TANC1: variants seen among roughly 807,000 people sequenced by gnomAD.
TANC1 encodes protein TANC1.
Under a neutral mutation model 149.7 loss-of-function variants are expected in TANC1, and 77 were observed. The observed-to-expected ratio is 0.51, with a 90% CI of 0.43 to 0.62. The LOEUF (loss-of-function observed/expected upper bound fraction) is 0.62, where lower values mean the gene tolerates loss of function less well. Among genes scored for constraint, TANC1 ranks in the 20% least tolerant of loss-of-function variants. The pLI is 0.00. For missense variants in TANC1, 1,985 were observed against 2,321.8 expected (o/e 0.85, Z 2.98); for synonymous variants, 854 against 925.0 (o/e 0.92, Z 1.39).
chr2:159,194,197 T>A (rs2057682176), intron 16 of TANC1, 60 bp from the exon 17 acceptor site: 1 of 1,414,820 alleles, frequency 7.1e-7, no homozygotes, highest in African/African-American at 1.4e-5. Flanking sequence ...TACTGCCCAT[T>A]TCCAGAAATG....
At chr2:159,138,175 C>T (rs2050962599) in intron 5 of TANC1, among the ~76,000 whole-genome samples, 1 of 152,186 alleles carries the variant, frequency 6.6e-6, no homozygotes, top group Non-Finnish European at 1.5e-5. Context: ...TTCATGGGGA[C>T]CAAAGTTATG....
intron 19 of TANC1, among the ~76,000 whole-genome samples, chr2:159,200,084 C>A (rs926690089): frequency 1.3e-5 from 2 of 152,200 alleles, no homozygotes; most frequent in Non-Finnish European, 2.9e-5. Flanking sequence ...TTGCCTAATT[C>A]TTTATGGAGT....
intron 1 of TANC1, among the ~76,000 whole-genome samples, chr2:158,994,192 A>G (rs1417768932): frequency 6.6e-6 from 1 of 152,184 alleles, no homozygotes; most frequent in Non-Finnish European, 1.5e-5. Context: ...AGAAGCAAGA[A>G]TCTCTTTTTG....
intron 15 of TANC1, 35 bp from the exon 16 acceptor site, chr2:159,186,866 CT>C: frequency 6.2e-7 from 1 of 1,613,782 alleles, no homozygotes; most frequent in Non-Finnish European, 8.5e-7. Context: ...AGATCTGTCT[CT>C]GATTGTTTCC....
intron 4 of TANC1, among the ~76,000 whole-genome samples, chr2:159,102,216 T>C (rs946754694): frequency 6.6e-5 from 10 of 152,136 alleles, no homozygotes; most frequent in African/African-American, 2.2e-4. Flanking sequence ...TTGAAAAAAA[T>C]CTGCTCCACC....
chr2:158,980,551 C>G (rs1188805399), intron 1 of TANC1, among the ~76,000 whole-genome samples: 3 of 151,928 alleles, frequency 2.0e-5, no homozygotes, highest in Non-Finnish European at 4.4e-5. Context: ...CCGAAGTGGG[C>G]AGATCACGAG....
chr2:159,141,713 C>G (rs1408503080), intron 5 of TANC1, among the ~76,000 whole-genome samples: 1 of 152,138 alleles, frequency 6.6e-6, no homozygotes, highest in Non-Finnish European at 1.5e-5. Context: ...TGCTGTGAGA[C>G]TAGGCAAGTT....
intron 2 of TANC1, among the ~76,000 whole-genome samples, chr2:159,032,269 T>A (rs2039844139): frequency 6.6e-6 from 1 of 152,222 alleles, no homozygotes; most frequent in Non-Finnish European, 1.5e-5. Context: ...AGAATGGCAG[T>A]GCTTTTGAGA....
At chr2:159,125,255 G>T (rs958099065) in intron 4 of TANC1, among the ~76,000 whole-genome samples, 1 of 152,186 alleles carries the variant, frequency 6.6e-6, no homozygotes, top group African/African-American at 2.4e-5. Flanking sequence ...GTCCTTTTCA[G>T]GAGTCTGCTC....
intron 4 of TANC1, among the ~76,000 whole-genome samples, chr2:159,115,606 G>A (rs115218342): frequency 6.6e-6 from 1 of 152,056 alleles, no homozygotes; most frequent in Non-Finnish European, 1.5e-5. Flanking sequence ...CTGTCCCTCG[G>A]GCACTGCCCC....
At chr2:159,100,082 A>G (rs548491166) in intron 4 of TANC1, among the ~76,000 whole-genome samples, 42 of 152,278 alleles carry the variant, frequency 2.8e-4, no homozygotes, top group Middle Eastern at 3.4e-3. Context: ...TTCAGAAACT[A>G]TCGATATTTT....
chr2:159,016,414 G>A (rs1483705531), intron 2 of TANC1, among the ~76,000 whole-genome samples: 1 of 152,150 alleles, frequency 6.6e-6, no homozygotes, highest in African/African-American at 2.4e-5. Context: ...GGGACACAGA[G>A]CCAAACCATA....
At chr2:159,010,889 T>G (rs532354861) in intron 2 of TANC1, among the ~76,000 whole-genome samples, 83 of 152,278 alleles carry the variant, frequency 5.5e-4, no homozygotes, top group Non-Finnish European at 1.1e-3. Context: ...CCATTTTGGT[T>G]TTTTTCTTTC....
intron 2 of TANC1, among the ~76,000 whole-genome samples, chr2:159,048,590 G>A (rs1246683912): frequency 1.3e-5 from 2 of 152,290 alleles, no homozygotes; most frequent in East Asian, 1.9e-4. Context: ...AAACGACAAT[G>A]TGAACATAGA....
rs1277150697 is a variant in TANC1 at position 159,103,710 on chromosome 2, T to C, written c.259+5876T>C. Among the ~76,000 whole-genome samples the C allele has an allele frequency of 2.1e-5, 2 of 96,306 alleles. 1 individual carries two copies. The highest frequency in any genetic ancestry group is 5.8e-5 in the Non-Finnish European group (2 of 34,540). The allele number at this position is 96,306 out of a possible 152,430, so 63.2% of individuals were successfully genotyped here. On this transcript the variant is annotated intron_variant, in intron 4 of 26. Coordinates refer to ENST00000263635, the MANE Select transcript of TANC1 (RefSeq NM_033394.3). ...GAGTTGGAGAGGCCTCCAGAGCACA[T>C]CCTGTCCAGGCCTCTTTGCAGATGT...
At chr2:159,225,508 C>T in intron 23 of TANC1, 180 bp from the exon 24 acceptor site, 2 of 612,626 alleles carry the variant, frequency 3.3e-6, no homozygotes, top group South Asian at 2.0e-5. Context: ...TTTGAGTGCC[C>T]AGGTCAGTGG....
chr2:159,192,367 T>G (rs2057512907), intron 16 of TANC1, among the ~76,000 whole-genome samples: 1 of 152,164 alleles, frequency 6.6e-6, no homozygotes, highest in African/African-American at 2.4e-5. Flanking sequence ...CATGTTGGTC[T>G]CAAACTCCTG....
chr2:159,153,159 C>T (rs2053039915), intron 7 of TANC1, among the ~76,000 whole-genome samples: 1 of 152,142 alleles, frequency 6.6e-6, no homozygotes, highest in South Asian at 2.1e-4. Context: ...AGAAGTGTTG[C>T]CAGTGTCGAG....
chr2:159,154,575 A>G (rs1403988247), intron 7 of TANC1, among the ~76,000 whole-genome samples: 2 of 152,106 alleles, frequency 1.3e-5, no homozygotes, highest in Non-Finnish European at 2.9e-5. Context: ...CCTTGTTTCA[A>G]CTGTATTATG....
Sources: allele counts gnomAD v4.1 joint callset (sites outside exome capture counted in the v4.1 genomes callset), GRCh38; gene constraint gnomAD v4.1.1; transcripts MANE v1.5; gene names NCBI Gene and HGNC (gene_info 2026-07-23, HGNC 2026-07-21).